Variants in BCOR observed in about 807,000 individuals in gnomAD.
BCOR encodes the protein BCL6 corepressor.
In BCOR, 10 loss-of-function variants were observed where a neutral mutation model predicts 86.7. The ratio of observed to expected loss-of-function variants is 0.12; its 90% CI spans 0.07 to 0.20. The LOEUF (loss-of-function observed/expected upper bound fraction) is 0.20, where lower values mean the gene tolerates loss of function less well. Among genes scored for constraint, BCOR ranks in the 10% least tolerant of loss-of-function variants. The probability of loss-of-function intolerance (pLI) is 1.00; values close to 1 mark genes in which losing one functional copy is unlikely to be tolerated. For synonymous variants in BCOR, 611 were observed against 609.0 expected (o/e 1.00, Z -0.05); for missense variants, 1,259 against 1,452.1 (o/e 0.87, Z 2.16).
At chrX:40,144,212 A>G (rs751703756) in intron 1 of BCOR, among the ~76,000 whole-genome samples, 21 of 112,189 alleles carry the variant, frequency 1.9e-4, no homozygotes, top group African/African-American at 6.2e-4. Context: ...CTGACTTTCA[A>G]TAAACTGTTC....
chrX:40,083,037 C>A, intron 1 of BCOR, among the ~76,000 whole-genome samples: 1 of 107,468 alleles, frequency 9.3e-6, no homozygotes, highest in Non-Finnish European at 1.9e-5. Context: ...ACAGAGACTG[C>A]GTCACAGCAG....
chrX:40,151,527 C>T (rs368172316), intron 1 of BCOR, among the ~76,000 whole-genome samples: 41 of 112,619 alleles, frequency 3.6e-4, no homozygotes, highest in African/African-American at 1.3e-3. Context: ...GCTTTACCTC[C>T]CTTCCCACGT....
chrX:40,099,948 T>C, upstream of BCOR, among the ~76,000 whole-genome samples: 1 of 111,940 alleles, frequency 8.9e-6, no homozygotes, highest in Middle Eastern at 4.6e-3. Context: ...AATGCACGCT[T>C]TTTTCTTCCT....
At position 40,080,815 on chromosome X, in the gene BCOR, CGTGTGTGTGTGTGTGTGTGTGT is replaced by C. The variant is rs533981374; in HGVS notation, c.-40-2868_-40-2847del. Among the ~76,000 whole-genome samples, 252 of 66,003 alleles carry C rather than the reference CGTGTGTGTGTGTGTGTGTGTGT, an allele frequency of 3.8e-3. 1 individual carries two copies. Among genetic ancestry groups the C allele is most frequent in the African/African-American group, 0.01 (206 of 19,849 alleles). The allele number at this position is 66,003 out of a possible 115,157, so 57.3% of individuals were successfully genotyped here. ...TGAGGCTAGCAGAGCGGTTCACTGT[CGTGTGTGTGTGTGTGTGTGTGT>C]GTGTGTGTGTGTGTGTGTGTGTGTG... is the stretch of plus-strand genomic sequence containing the variant. On this transcript the variant is annotated intron_variant, in intron 1 of 14. Coordinates refer to ENST00000378444, the MANE Select transcript of BCOR (RefSeq NM_001123385.2).
At chrX:40,103,485 G>C (rs1177980739) in intron 1 of BCOR, among the ~76,000 whole-genome samples, 1 of 110,670 alleles carries the variant, frequency 9.0e-6, no homozygotes, top group African/African-American at 3.3e-5. Flanking sequence ...TGAAGGAGGG[G>C]AGAAGTTCAG....
chrX:40,151,554 C>T (rs1311497506), intron 1 of BCOR, among the ~76,000 whole-genome samples: 4 of 112,737 alleles, frequency 3.5e-5, no homozygotes, highest in Non-Finnish European at 7.5e-5. Context: ...GAAAAACACC[C>T]CCTGGAACTG....
intron 6 of BCOR, among the ~76,000 whole-genome samples, chrX:40,070,133 C>A (rs1935401239): frequency 9.0e-6 from 1 of 111,603 alleles, no homozygotes; most frequent in Non-Finnish European, 1.9e-5. Context: ...TCAAACATAC[C>A]CAACACTTCC....
intron 10 of BCOR, among the ~76,000 whole-genome samples, chrX:40,061,890 C>T (rs1221119929): frequency 9.0e-6 from 1 of 111,388 alleles, no homozygotes; most frequent in Admixed American, 9.5e-5. Flanking sequence ...TGGAGGATGC[C>T]GTAGCAGCCT....
intron 1 of BCOR, among the ~76,000 whole-genome samples, chrX:40,103,386 C>T (rs1221337709): frequency 9.0e-6 from 1 of 110,795 alleles, no homozygotes; most frequent in South Asian, 3.9e-4. Flanking sequence ...TGCATCCCCC[C>T]CTCCCCAAAA....
At chrX:40,137,183 C>G (rs1344474918) in intron 1 of BCOR, among the ~76,000 whole-genome samples, 1 of 112,363 alleles carries the variant, frequency 8.9e-6, no homozygotes, top group Non-Finnish European at 1.9e-5. Flanking sequence ...ACCTCAATGT[C>G]AAAGTCAGAT....
intron 1 of BCOR, among the ~76,000 whole-genome samples, chrX:40,084,690 C>T (rs1936268037): frequency 9.4e-6 from 1 of 106,010 alleles, no homozygotes; most frequent in Admixed American, 9.8e-5. Flanking sequence ...AAAACACAAA[C>T]GCCGTCGCCG....
At chrX:40,084,710 C>CCCCA (rs1555923364) in intron 1 of BCOR, among the ~76,000 whole-genome samples, 1 of 98,799 alleles carries the variant, frequency 1.0e-5, no homozygotes, top group African/African-American at 4.6e-5. Context: ...GCCACCCCCC[C>CCCCA]CCACCACCAC....
intron 1 of BCOR, among the ~76,000 whole-genome samples, chrX:40,143,807 T>C: frequency 8.9e-6 from 1 of 111,939 alleles, no homozygotes; most frequent in Non-Finnish European, 1.9e-5. Flanking sequence ...ATACAAAAAA[T>C]TAGCCGGGCC....
chrX:40,156,723 TC>T (rs1222721027), intron 1 of BCOR, among the ~76,000 whole-genome samples: 1 of 106,623 alleles, frequency 9.4e-6, no homozygotes, highest in African/African-American at 3.5e-5. Context: ...AACTTGGAAA[TC>T]CTAGGGCTTA....
At chrX:40,123,067 C>T (rs1268235293) in intron 1 of BCOR, among the ~76,000 whole-genome samples, 2 of 111,560 alleles carry the variant, frequency 1.8e-5, no homozygotes, top group Non-Finnish European at 3.8e-5. Flanking sequence ...CACTTACTGG[C>T]CTTCCTGTAG....
At chrX:40,099,196 C>T (rs1042876399), upstream of BCOR, among the ~76,000 whole-genome samples, 3 of 106,516 alleles carry the variant, frequency 2.8e-5, no homozygotes, top group South Asian at 4.7e-4. Flanking sequence ...GCGCACCCGG[C>T]GCGGCTCTGG....
chrX:40,066,613 A>G (rs1278131698), intron 6 of BCOR, among the ~76,000 whole-genome samples: 2 of 111,779 alleles, frequency 1.8e-5, no homozygotes, highest in Non-Finnish European at 3.8e-5. Context: ...TGTCCTAGTT[A>G]TATACTATTT....
chrX:40,062,306 G>A lies in BCOR; in HGVS notation c.4261C>T (p.Arg1421Cys), dbSNP rs746716983. 6.6e-6 allele frequency: 8 copies of A among 1,209,669 alleles called. No homozygotes were observed. The highest frequency in any genetic ancestry group is 6.5e-5 in the Admixed American group (3 of 45,833). Residue 1421 changes from arginine (R) to cysteine (C), a missense_variant, in exon 10 of 15, where the codon CGC becomes TGC. Transcript: ENST00000378444. Reference sequence around the variant, plus strand: ...GAGGCTGGTAGCAGTTGCTGCAAGCGGTCGAAGGGCTTTGGCTCCTGCTTG... The same window carrying A: ...GAGGCTGGTAGCAGTTGCTGCAAGCAGTCGAAGGGCTTTGGCTCCTGCTTG... ...PAKQEPKPFDRLQQLLPASQS... is the reference protein window; with the variant it reads ...PAKQEPKPFDCLQQLLPASQS...
chrX:40,132,191 C>T (rs1487432952), intron 1 of BCOR, among the ~76,000 whole-genome samples: 1 of 112,041 alleles, frequency 8.9e-6, no homozygotes, highest in Non-Finnish European at 1.9e-5. Flanking sequence ...TGTGCCATCT[C>T]GGATATCCTT....
Sources: allele counts gnomAD v4.1 joint callset (sites outside exome capture counted in the v4.1 genomes callset), GRCh38; gene constraint gnomAD v4.1.1; transcripts MANE v1.5; gene names NCBI Gene and HGNC (gene_info 2026-07-23, HGNC 2026-07-21).